Variants in RTEL1 observed in about 807,000 individuals in gnomAD.
RTEL1 encodes the protein regulator of telomere length.
A neutral mutation model predicts 162.2 loss-of-function variants in RTEL1; 86 were observed. The observed-to-expected ratio is 0.53, with a 90% CI of 0.45 to 0.63. The LOEUF (loss-of-function observed/expected upper bound fraction) is 0.63. RTEL1 is among the 30% of genes least tolerant of loss of function. The pLI is 0.00. For missense variants in RTEL1, 1,941 were observed against 1,750.2 expected (o/e 1.11, Z -1.95); for synonymous variants, 958 against 717.9 (o/e 1.33, Z -5.35).
intron 28 of RTEL1, chr20:63,692,519 C>T (rs1400579854): frequency 5.9e-6 from 3 of 505,964 alleles, no homozygotes; most frequent in East Asian, 6.9e-5. Context: ...AGAGACGGGC[C>T]ATGCAGGACC....
chr20:63,689,836 C>T lies in RTEL1; in HGVS notation c.2112C>T (p.Asp704=), dbSNP rs61753459. 0.082 allele frequency: 131,748 copies of T among 1,610,866 alleles called. 6,074 individuals are homozygous for T. The highest frequency in any genetic ancestry group is 0.14 in the Middle Eastern group (863 of 6,054). ...GGCGAGTGATCCGGCACCGCCAGGA[C>T]TACGGAGCTGTCTTCCTCTGTGACC... The part of the protein sequence containing the change: ...AIGRVIRHRQ[D]YGAVFLCDHR... Residue 704 remains aspartate, a synonymous_variant, in exon 24 of 35, where the codon GAC becomes GAT. Transcript: ENST00000360203.
chr20:63,690,876 C>T lies in RTEL1; in HGVS notation c.2485C>T (p.Gln829Ter), dbSNP rs1278121916. ...TGAGCAGGAGCCAGTTCCTGCCCGG[C>T]AGAGGCCCAGGGGGCTGCTGGCCGC... ...EYEQEPVPARQRPRGLLAALE... is the reference protein window; with the variant it reads ...EYEQEPVPAR Residue 829 changes from glutamine (Q) to a stop codon, truncating the protein, a stop_gained, in exon 27 of 35, where the codon CAG (glutamine) becomes TAG (stop). Coordinates refer to ENST00000360203, the MANE Select transcript of RTEL1 (RefSeq NM_001283009.2). LOFTEE classifies it high-confidence loss of function. 6.3e-7 allele frequency: 1 copy of T among 1,596,948 alleles called. No homozygotes were observed. The highest frequency in any genetic ancestry group is 2.3e-5 in the East Asian group (1 of 44,398).
chr20:63,696,221 C>G lies in RTEL1; in HGVS notation c.*363C>G. 2.7e-6 allele frequency: 1 copy of G among 365,560 alleles called. No individual in the cohort carries two copies. Among genetic ancestry groups the G allele is most frequent in the East Asian group, 4.9e-5 (1 of 20,596 alleles). 22.6% of individuals were successfully genotyped at this position (365,560 alleles called of 1,614,324 possible). A position where few individuals can be genotyped will look rare whatever the true frequency, so the allele number is the denominator to read the frequency against. On this transcript the variant is annotated 3_prime_UTR_variant, in exon 35 of 35. Coordinates refer to ENST00000360203, the MANE Select transcript of RTEL1 (RefSeq NM_001283009.2). ...ACTTTTAATCAGGGGACAGGGCTCT[C>G]TAATAAAGCTGCTGGCAGTGCCCAG... is the stretch of plus-strand genomic sequence containing the variant.
At chr20:63,693,040 A>G (rs2090795951) in intron 29 of RTEL1, 37 bp downstream of exon 29, 3 of 1,610,540 alleles carry the variant, frequency 1.9e-6, no homozygotes, top group Non-Finnish European at 2.5e-6. Context: ...CCCTGAGGGC[A>G]GTGCTGCCGC....
chr20:63,682,171 A>G, intron 14 of RTEL1: 1 of 985,420 alleles, frequency 1.0e-6, no homozygotes, highest in African/African-American at 1.7e-5. Flanking sequence ...GAATCCTAGA[A>G]TGTGGCTTCT....
In RTEL1 at chr20:63,668,294, G is replaced by A. The variant is rs777912515; in HGVS notation, c.699+741G>A. Among the ~76,000 whole-genome samples, 8 of 152,188 alleles carry A rather than the reference G, an allele frequency of 5.3e-5. No individual in the cohort carries two copies. Among genetic ancestry groups the A allele is most frequent in the Non-Finnish European group, 8.8e-5 (6 of 68,030 alleles). ...GTTCACGTGACGATGGCGTGGTGAC[G>A]TTTCCAGATCCCGTCGTTGGTTCGC... On this transcript the variant is annotated intron_variant, in intron 8 of 34. Transcript: ENST00000360203. The surrounding 1 kb of genome is among the most constrained non-coding windows in gnomAD (Gnocchi z 4.3).
chr20:63,696,211 A>T lies in RTEL1; in HGVS notation c.*353A>T. ...GCACGTGTCCACTTTTAATCAGGGG[A>T]CAGGGCTCTCTAATAAAGCTGCTGG... On this transcript the variant is annotated 3_prime_UTR_variant, in exon 35 of 35. Transcript: ENST00000360203. 1 of 385,302 alleles carries T rather than the reference A, an allele frequency of 2.6e-6. No homozygotes were observed. Among genetic ancestry groups the T allele is most frequent in the Non-Finnish European group, 4.7e-6 (1 of 211,524 alleles). The allele number at this position is 385,302 out of a possible 1,614,324, so 23.9% of individuals were successfully genotyped here. A position where few individuals can be genotyped will look rare whatever the true frequency, so the allele number is the denominator to read the frequency against.
intron 14 of RTEL1, chr20:63,682,131 A>T: frequency 1.0e-6 from 1 of 985,404 alleles, no homozygotes; most frequent in Non-Finnish European, 1.2e-6. Context: ...GCTCCCACTT[A>T]TGGAGAAGTC....
At chr20:63,660,784 C>T (rs6062296) in intron 2 of RTEL1, 70,402 of 157,164 alleles carry the variant, frequency 0.45, 16,434 homozygotes, top group Middle Eastern at 0.5. Flanking sequence ...CGGTGGCCAG[C>T]CTCACTTGGA....
At chr20:63,663,953 C>T (rs916792762) in intron 6 of RTEL1, among the ~76,000 whole-genome samples, 1 of 152,150 alleles carries the variant, frequency 6.6e-6, no homozygotes, top group Non-Finnish European at 1.5e-5. Context: ...ACAGGGTGGG[C>T]GGAACATGGG....
chr20:63,669,671 C>T (rs35060126), intron 8 of RTEL1, among the ~76,000 whole-genome samples: 14,361 of 147,374 alleles, frequency 0.097, 840 homozygotes, highest in African/African-American at 0.18. Flanking sequence ...GGCCAGTTAA[C>T]CACTGGGAGA....
chr20:63,692,721 T>C, intron 28 of RTEL1, 84 bp from the exon 29 acceptor site: 1 of 1,358,474 alleles, frequency 7.4e-7, no homozygotes. Flanking sequence ...CAGGGAACGC[T>C]CAATGTTCCA....
chr20:63,663,603 G>T (rs2090064270), intron 6 of RTEL1, among the ~76,000 whole-genome samples: 1 of 152,220 alleles, frequency 6.6e-6, no homozygotes, highest in African/African-American at 2.4e-5. Flanking sequence ...AGAGACAGTG[G>T]CAGGGTGCAC....
chr20:63,694,934 C>G lies in RTEL1; in HGVS notation c.3303C>G (p.Ala1101=), dbSNP rs776426684. 2 of 1,612,610 alleles carry G rather than the reference C, an allele frequency of 1.2e-6. No homozygotes were observed. The highest frequency in any genetic ancestry group is 1.7e-6 in the Non-Finnish European group (2 of 1,179,882). Residue 1101 remains alanine, a synonymous_variant, in exon 32 of 35, where the codon GCC becomes GCG. Coordinates refer to ENST00000360203, the MANE Select transcript of RTEL1 (RefSeq NM_001283009.2). ...DLDKVLAVLA[A]LTTAKPEDFP... is the part of the protein sequence containing the mutation. ...ACAAGGTGCTGGCTGTGTTGGCCGC[C>G]CTGACCACTGCAAAGCCAGAGGACT... is the stretch of plus-strand genomic sequence containing the variant.
At chr20:63,663,001 G>A (rs1220289372) in intron 6 of RTEL1, 112 bp downstream of exon 6, 9 of 1,033,642 alleles carry the variant, frequency 8.7e-6, no homozygotes, top group African/African-American at 4.7e-5. Context: ...CGGCCAGTGC[G>A]GCCATGTACC....
intron 14 of RTEL1, chr20:63,682,746 C>T: frequency 1.1e-6 from 1 of 948,976 alleles, no homozygotes; most frequent in African/African-American, 1.8e-5. Context: ...GGGCCAGTGG[C>T]CCCAGGAAGA....
chr20:63,687,071 CCCGGCAT>C (rs1298287470), intron 16 of RTEL1: 5 of 152,994 alleles, frequency 3.3e-5, no homozygotes, highest in East Asian at 1.9e-4. Flanking sequence ...GTGTTGAATT[CCCGGCAT>C]CCGGCATCCA....
Position 63,666,009 on chromosome 20 carries a change from A to G in RTEL1, c.544A>G (p.Ser182Gly), listed in dbSNP as rs2090119382. The G allele has an allele frequency of 6.2e-7, 1 of 1,613,862 alleles. No homozygotes were observed. Among genetic ancestry groups the G allele is most frequent in the Non-Finnish European group, 8.5e-7 (1 of 1,179,938 alleles). The change falls in exon 7 of 35, where the codon AGC becomes GGC. Residue 182 changes from serine (S) to glycine (G), a missense_variant. Coordinates refer to ENST00000360203, the MANE Select transcript of RTEL1 (RefSeq NM_001283009.2). The part of the protein sequence containing the change: ...CHFYNNVEEK[S>G]LEQELASPIL... Reference sequence around the variant, plus strand: ...CCCCTGCCTCACACCTGCAGAAAAAAGCCTGGAGCAGGAGCTGGCCAGCCC... The same window carrying G: ...CCCCTGCCTCACACCTGCAGAAAAAGGCCTGGAGCAGGAGCTGGCCAGCCC...
chr20:63,694,856 C>T lies in RTEL1; in HGVS notation c.3225C>T (p.Gly1075=). The T allele has an allele frequency of 6.2e-7, 1 of 1,612,654 alleles. No homozygotes were observed. Among genetic ancestry groups the T allele is most frequent in the South Asian group, 1.1e-5 (1 of 91,090 alleles). Residue 1075 remains glycine, a synonymous_variant, in exon 32 of 35, where the codon GGC becomes GGT. Transcript: ENST00000360203. ...ADARRALGSA[G]CSQLLAALTA... Reference sequence around the variant, plus strand: ...CCCGCAGGGCCCTGGGGTCCGCGGGCTGTAGCCAACTCTTGGCAGCGCTGA... The same window carrying T: ...CCCGCAGGGCCCTGGGGTCCGCGGGTTGTAGCCAACTCTTGGCAGCGCTGA...
Sources: gnomAD v4.1 joint callset for allele counts (sites outside exome capture counted in the v4.1 genomes callset) on GRCh38, gnomAD v4.1.1 for gene constraint, Gnocchi (gnomAD v3.1) non-coding constraint, MANE v1.5 for transcripts, NCBI Gene and HGNC (gene_info 2026-07-23, HGNC 2026-07-21) for gene names.